Variants in DNAH7 observed in about 807,000 individuals in gnomAD.
DNAH7 encodes the protein dynein axonemal heavy chain 7.
DNAH7 carries 397 observed loss-of-function variants against 444.6 expected under a neutral mutation model. That is an observed-to-expected ratio of 0.89 (90% CI 0.82 to 0.97). DNAH7 has a LOEUF of 0.97. Among genes scored for constraint, DNAH7 ranks in the 50% least tolerant of loss-of-function variants. The pLI is 0.00. For synonymous variants in DNAH7, 1,636 were observed against 1,624.4 expected (o/e 1.01, Z -0.17); for missense variants, 4,902 against 4,800.8 (o/e 1.02, Z -0.62).
intron 11 of DNAH7, 89 bp downstream of exon 11, chr2:196,001,586 C>T: frequency 8.1e-7 from 1 of 1,236,358 alleles, no homozygotes. Flanking sequence ...TTTCTGCCCT[C>T]TCACTGATAG....
At chr2:195,900,597 A>C in intron 27 of DNAH7, 103 bp from the exon 28 acceptor site, 1 of 1,103,626 alleles carries the variant, frequency 9.1e-7, no homozygotes. Context: ...GAGGCTAAAA[A>C]AGTTTATCTC....
intron 49 of DNAH7, among the ~76,000 whole-genome samples, chr2:195,821,178 G>A (rs948793819): frequency 6.8e-6 from 1 of 146,246 alleles, no homozygotes; most frequent in Non-Finnish European, 1.5e-5. Context: ...AAAAAAAGAA[G>A]AAGAAGAAGA....
At position 195,748,649 on chromosome 2, in the gene DNAH7, T is replaced by A. The variant is rs189873592; in HGVS notation, c.11764+5688A>T. Among the ~76,000 whole-genome samples, 598 of 152,184 alleles carry A rather than the reference T, an allele frequency of 3.9e-3. 1 individual carries two copies. Among genetic ancestry groups the A allele is most frequent in the African/African-American group, 0.013 (552 of 41,512 alleles). On this transcript the variant is annotated intron_variant, in intron 63 of 64. Coordinates refer to ENST00000312428, the MANE Select transcript of DNAH7 (RefSeq NM_018897.3). ...GTACCAAAACAGAGATAGAGACCAA[T>A]GGAACAGAACAGAGCCCTCAGAAAT...
At chr2:195,742,977 G>T (rs751504392) in intron 63 of DNAH7, among the ~76,000 whole-genome samples, 1 of 152,214 alleles carries the variant, frequency 6.6e-6, no homozygotes, top group Non-Finnish European at 1.5e-5. Context: ...GGGAGAGGCA[G>T]ACCCACCCTC....
chr2:195,870,045 T>C (rs1401702578), intron 40 of DNAH7, among the ~76,000 whole-genome samples: 1 of 152,296 alleles, frequency 6.6e-6, no homozygotes, highest in East Asian at 1.9e-4. Flanking sequence ...ATTCCCATGA[T>C]TGGAAGAAAG....
At chr2:195,844,017 A>G (rs1392472575) in intron 47 of DNAH7, among the ~76,000 whole-genome samples, 1 of 151,888 alleles carries the variant, frequency 6.6e-6, no homozygotes, top group East Asian at 1.9e-4. Flanking sequence ...AATGTCATGA[A>G]CCTGGGAGGC....
intron 17 of DNAH7, among the ~76,000 whole-genome samples, chr2:195,968,302 T>TA (rs1256354145): frequency 6.6e-6 from 1 of 152,116 alleles, no homozygotes; most frequent in Non-Finnish European, 1.5e-5. Context: ...ATTCAGGGCC[T>TA]AAGGGCTCTT....
chr2:196,055,823 T>C (rs1697765172), intron 2 of DNAH7, among the ~76,000 whole-genome samples: 1 of 152,184 alleles, frequency 6.6e-6, no homozygotes, highest in Non-Finnish European at 1.5e-5. Flanking sequence ...AAGCCTCCTA[T>C]ACAACAACCC....
rs183152921 is a variant in DNAH7 at position 195,936,140 on chromosome 2, G to A, written c.3272+459C>T. Among the ~76,000 whole-genome samples the A allele has an allele frequency of 8.3e-4, 126 of 152,262 alleles. No homozygotes were observed. The East Asian group carries it at 0.014, about 17-fold the overall frequency. On this transcript the variant is annotated intron_variant, in intron 20 of 64. Transcript: ENST00000312428. ...TGTAATCCCAGCACTTTGGGAGGCC[G>A]AGGCAGGTGGATCACTTGAGATCAG...
Position 195,988,670 on chromosome 2 carries a change from C to A in DNAH7, c.1354-441G>T, listed in dbSNP as rs562951837. Among the ~76,000 whole-genome samples the A allele has an allele frequency of 3.3e-5, 5 of 152,194 alleles. No homozygotes were observed. The East Asian group carries it at 9.6e-4, about 29-fold the overall frequency. On this transcript the variant is annotated intron_variant, in intron 12 of 64. Coordinates refer to ENST00000312428, the MANE Select transcript of DNAH7 (RefSeq NM_018897.3). Reference sequence around the variant, plus strand: ...TAAATCCATCACCTCAAACATTTCTCATTTCTTTGTAGTAAAAATACTCAA... The same window carrying A: ...TAAATCCATCACCTCAAACATTTCTAATTTCTTTGTAGTAAAAATACTCAA...
chr2:196,021,032 A>G (rs768069174), intron 8 of DNAH7, among the ~76,000 whole-genome samples: 1 of 152,212 alleles, frequency 6.6e-6, no homozygotes, highest in Non-Finnish European at 1.5e-5. Context: ...TAGAGAAAAT[A>G]TACAGCAAGG....
intron 27 of DNAH7, chr2:195,904,231 C>A (rs1485087155): frequency 1.3e-5 from 2 of 152,314 alleles, no homozygotes; most frequent in Non-Finnish European, 2.9e-5. Flanking sequence ...CAGAACTCAG[C>A]TATAAATCTC....
At chr2:195,778,719 CATAT>C (rs1235522747) in intron 58 of DNAH7, among the ~76,000 whole-genome samples, 4 of 46,632 alleles carry the variant, frequency 8.6e-5, no homozygotes, top group Non-Finnish European at 1.7e-4. Context: ...TATATATACA[CATAT>C]ATATATACAC....
intron 54 of DNAH7, 53 bp from the exon 55 acceptor site, chr2:195,799,525 C>G: frequency 7.1e-7 from 1 of 1,414,812 alleles, no homozygotes; most frequent in Non-Finnish European, 9.3e-7. Context: ...TGCCTAAAAC[C>G]ATTAAAAATT....
chr2:195,757,384 C>A (rs528317620), intron 61 of DNAH7, among the ~76,000 whole-genome samples: 20 of 152,242 alleles, frequency 1.3e-4, no homozygotes, highest in African/African-American at 4.6e-4. Flanking sequence ...GACTGATGCA[C>A]GGATGTTAAA....
intron 8 of DNAH7, 52 bp from the exon 9 acceptor site, chr2:196,019,347 G>GT (rs1170883620): frequency 7.3e-7 from 1 of 1,364,374 alleles, no homozygotes; most frequent in African/African-American, 1.5e-5. Context: ...TATTTTTATA[G>GT]TAACTGTACA....
chr2:195,918,734 G>A (rs564121877), intron 24 of DNAH7, among the ~76,000 whole-genome samples: 34 of 152,148 alleles, frequency 2.2e-4, no homozygotes, highest in African/African-American at 8.2e-4. Context: ...GGTCGACAGG[G>A]GTTCTGCGGG....
intron 2 of DNAH7, among the ~76,000 whole-genome samples, chr2:196,053,001 TA>T (rs1389924404): frequency 6.6e-6 from 1 of 151,098 alleles, no homozygotes; most frequent in Admixed American, 6.6e-5. Context: ...TGGAAAGGAC[TA>T]AGTCCCTCTG....
Position 195,873,658 on chromosome 2 carries a change from C to T in DNAH7, c.6323G>A (p.Arg2108Gln), listed in dbSNP as rs200062031. 3.6e-5 allele frequency: 55 copies of T among 1,531,468 alleles called. No homozygotes were observed. Among genetic ancestry groups the T allele is most frequent in the East Asian group, 7.4e-5 (3 of 40,358 alleles). The allele number at this position is 1,531,468 out of a possible 1,614,324, so 94.9% of individuals were successfully genotyped here. ...GRNPVTPRYM[R>Q]HFNIITINEF... is the part of the protein sequence containing the mutation. ...ATTGATTGTTATAATATTGAAATGT[C>T]GCATGTATCGAGGAGTTACTGGATT... is the stretch of plus-strand genomic sequence containing the variant. The change falls in exon 39 of 65, where the codon CGA becomes CAA. Residue 2108 changes from arginine to glutamine, a missense_variant. Coordinates refer to ENST00000312428, the MANE Select transcript of DNAH7 (RefSeq NM_018897.3).
Sources: allele counts gnomAD v4.1 joint callset (sites outside exome capture counted in the v4.1 genomes callset), GRCh38; gene constraint gnomAD v4.1.1; transcripts MANE v1.5; gene names NCBI Gene and HGNC (gene_info 2026-07-23, HGNC 2026-07-21).